Variants in GRID1 observed in about 807,000 individuals in gnomAD.
The protein encoded by GRID1 is glutamate receptor ionotropic, delta-1.
In GRID1, 28 loss-of-function variants were observed where a neutral mutation model predicts 98.0. That is an observed-to-expected ratio of 0.29 (90% CI 0.21 to 0.39). The LOEUF (loss-of-function observed/expected upper bound fraction) is 0.39. GRID1 is among the 10% of genes least tolerant of loss of function. The pLI is 1.00. For missense variants in GRID1, 1,111 were observed against 1,340.5 expected (o/e 0.83, Z 2.67); for synonymous variants, 553 against 538.5 (o/e 1.03, Z -0.37).
intron 4 of GRID1, among the ~76,000 whole-genome samples, chr10:85,923,782 A>G (rs1374625804): frequency 6.6e-6 from 1 of 152,214 alleles, no homozygotes; most frequent in Non-Finnish European, 1.5e-5. Flanking sequence ...TGCATGTTTC[A>G]TAGGTGTTTG....
At chr10:86,231,192 C>T (rs1589419745) in intron 2 of GRID1, among the ~76,000 whole-genome samples, 1 of 152,192 alleles carries the variant, frequency 6.6e-6, no homozygotes, top group Non-Finnish European at 1.5e-5. Flanking sequence ...AAATTGTCCA[C>T]AATCAATTTC....
intron 2 of GRID1, among the ~76,000 whole-genome samples, chr10:86,229,797 C>T (rs1025438159): frequency 6.6e-6 from 1 of 152,182 alleles, no homozygotes; most frequent in African/African-American, 2.4e-5. Flanking sequence ...CCACAACCTC[C>T]CCCACTTCAC....
At chr10:85,974,771 C>T (rs535599279) in intron 4 of GRID1, among the ~76,000 whole-genome samples, 1 of 152,322 alleles carries the variant, frequency 6.6e-6, no homozygotes, top group East Asian at 1.9e-4. Flanking sequence ...GGACCACAGG[C>T]ACGCACCACT....
rs992561240 is a variant in GRID1, at chr10:85,824,594, T to C, written c.1233+29902A>G. Among the ~76,000 whole-genome samples, 3 of 152,178 alleles carry C rather than the reference T, an allele frequency of 2.0e-5. No homozygotes were observed. The South Asian group carries it at 6.2e-4, about 32-fold the overall frequency. On this transcript the variant is annotated intron_variant, in intron 8 of 15. Coordinates refer to ENST00000327946, the MANE Select transcript of GRID1 (RefSeq NM_017551.3). ...CAGGTACAAGTGGTTTCTGGTTACATGGAGAATTGTATAGCTGTGAATCTC... is the reference window on the plus strand; with the variant it reads ...CAGGTACAAGTGGTTTCTGGTTACACGGAGAATTGTATAGCTGTGAATCTC...
intron 5 of GRID1, among the ~76,000 whole-genome samples, chr10:85,908,641 C>A (rs961002169): frequency 6.6e-6 from 1 of 152,112 alleles, no homozygotes; most frequent in Non-Finnish European, 1.5e-5. Context: ...ACTGCAATCC[C>A]AAATAAAATC....
intron 4 of GRID1, among the ~76,000 whole-genome samples, chr10:85,966,059 C>T (rs1249027119): frequency 6.6e-6 from 1 of 152,144 alleles, no homozygotes; most frequent in Non-Finnish European, 1.5e-5. Context: ...TTCCATTCTC[C>T]AGGGCATTGT....
chr10:86,038,855 G>A (rs558260549), intron 4 of GRID1, among the ~76,000 whole-genome samples: 3 of 152,126 alleles, frequency 2.0e-5, no homozygotes, highest in Non-Finnish European at 4.4e-5. Flanking sequence ...CTTGAAGTAG[G>A]GGAGTCATCT....
chr10:86,004,740 T>TCACACA (rs201671134), intron 4 of GRID1, among the ~76,000 whole-genome samples: 1 of 94,266 alleles, frequency 1.1e-5, no homozygotes, highest in Non-Finnish European at 2.6e-5. Context: ...ACACACACAC[T>TCACACA]CACACACACA....
chr10:85,781,974 G>T (rs1448974601), intron 8 of GRID1, among the ~76,000 whole-genome samples: 2 of 152,126 alleles, frequency 1.3e-5, no homozygotes, highest in Non-Finnish European at 2.9e-5. Context: ...ATTCTCAACA[G>T]TTTAACATTG....
At chr10:86,307,340 TACACAATGGAA>T (rs1847772129) in intron 2 of GRID1, among the ~76,000 whole-genome samples, 1 of 152,204 alleles carries the variant, frequency 6.6e-6, no homozygotes, top group Non-Finnish European at 1.5e-5. Flanking sequence ...GTGGTATACA[TACACAATGGAA>T]TTCAGCCTTA....
chr10:85,752,550 G>T (rs1842058000), intron 8 of GRID1, among the ~76,000 whole-genome samples: 1 of 152,106 alleles, frequency 6.6e-6, no homozygotes, highest in African/African-American at 2.4e-5. Flanking sequence ...AGATCATATT[G>T]TAATTAATGA....
At chr10:85,891,737 G>T (rs1397470398) in intron 5 of GRID1, among the ~76,000 whole-genome samples, 1 of 152,118 alleles carries the variant, frequency 6.6e-6, no homozygotes, top group Non-Finnish European at 1.5e-5. Context: ...AAGTAATTCA[G>T]CTGTGTCCCA....
At chr10:86,364,966 C>G (rs971404856) in intron 1 of GRID1, among the ~76,000 whole-genome samples, 12 of 152,214 alleles carry the variant, frequency 7.9e-5, no homozygotes, top group African/African-American at 2.4e-4. Context: ...CGAGCCTAGT[C>G]CTGCAACCTG....
chr10:86,234,622 C>T (rs1035505519), intron 2 of GRID1, among the ~76,000 whole-genome samples: 1 of 152,200 alleles, frequency 6.6e-6, no homozygotes, highest in Non-Finnish European at 1.5e-5. Flanking sequence ...CCCAAGCCCC[C>T]CCAGGTTGGT....
In GRID1 at chr10:86,281,009, C is replaced by G. The variant is rs1278636518; in HGVS notation, c.236-74361G>C. Among the ~76,000 whole-genome samples, 4 of 152,304 alleles carry G rather than the reference C, an allele frequency of 2.6e-5. No homozygotes were observed. In the East Asian group the frequency reaches 5.8e-4, roughly 22 times the overall value. The stretch of plus-strand genomic sequence containing the variant: ...GGGATCACCCTTCCTCTGAACCTCG[C>G]CTGGAGCCAGGGGCATTTTCCCTTT... On this transcript the variant is annotated intron_variant, in intron 2 of 15. Coordinates refer to ENST00000327946, the MANE Select transcript of GRID1 (RefSeq NM_017551.3).
chr10:85,889,845 T>C (rs1841169835), intron 5 of GRID1, among the ~76,000 whole-genome samples: 1 of 152,212 alleles, frequency 6.6e-6, no homozygotes, highest in Non-Finnish European at 1.5e-5. Flanking sequence ...CAATACTTTT[T>C]ATCTTTTATA....
chr10:86,304,959 C>T lies in GRID1; in HGVS notation c.235+58982G>A, dbSNP rs1847739201. Among the ~76,000 whole-genome samples the T allele has an allele frequency of 3.3e-5, 5 of 152,142 alleles. No homozygotes were observed. In the South Asian group the frequency reaches 1.0e-3, roughly 32 times the overall value. ...AATTTCATGGGCCAATTTTTCTAGG[C>T]TATGGGGGCCAGTTATTTCGTCAAA... is the stretch of plus-strand genomic sequence containing the variant. On this transcript the variant is annotated intron_variant, in intron 2 of 15. Coordinates refer to ENST00000327946, the MANE Select transcript of GRID1 (RefSeq NM_017551.3).
chr10:85,741,421 G>A (rs986120937), intron 8 of GRID1, among the ~76,000 whole-genome samples: 1 of 152,084 alleles, frequency 6.6e-6, no homozygotes, highest in East Asian at 1.9e-4. Context: ...CCCTGTTAGT[G>A]TGTGGTCAGT....
At chr10:85,706,486 G>T (rs1026663060) in intron 12 of GRID1, among the ~76,000 whole-genome samples, 36 of 152,224 alleles carry the variant, frequency 2.4e-4, no homozygotes, top group Admixed American at 5.9e-4. Context: ...GGAAGAACAT[G>T]CCATGCTCAT....
Sources: gnomAD v4.1 joint callset for allele counts (sites outside exome capture counted in the v4.1 genomes callset) on GRCh38, gnomAD v4.1.1 for gene constraint, MANE v1.5 for transcripts, NCBI Gene and HGNC (gene_info 2026-07-23, HGNC 2026-07-21) for gene names.